MACROD2: variants seen among roughly 807,000 people sequenced by gnomAD.
MACROD2 encodes ADP-ribose glycohydrolase MACROD2.
MACROD2 carries 36 observed loss-of-function variants against 70.4 expected under a neutral mutation model. The ratio of observed to expected loss-of-function variants is 0.51; its 90% CI spans 0.39 to 0.68. The LOEUF is 0.68. Among genes scored for constraint, MACROD2 ranks in the 30% least tolerant of loss-of-function variants. The pLI is 0.00. For missense variants in MACROD2, 496 were observed against 538.4 expected, an observed-to-expected ratio of 0.92 and a Z score of 0.78; for synonymous variants, 172 against 178.8, an observed-to-expected ratio of 0.96 and a Z score of 0.30.
At chr20:15,318,258 A>T (rs1239031176) in intron 6 of MACROD2, among the ~76,000 whole-genome samples, 2 of 152,186 alleles carry the variant, frequency 1.3e-5, no homozygotes, top group African/African-American at 4.8e-5. Flanking sequence ...CTCTAGAAGC[A>T]TACAAGGTAG....
intron 5 of MACROD2, among the ~76,000 whole-genome samples, chr20:15,204,973 G>A (rs2076689265): frequency 6.6e-6 from 1 of 152,102 alleles, no homozygotes; most frequent in African/African-American, 2.4e-5. Context: ...GAGAAGGAAA[G>A]TAAACCTTTA....
chr20:15,233,363 A>G lies in MACROD2; in HGVS notation c.540+3302A>G, dbSNP rs538307424. Among the ~76,000 whole-genome samples the G allele has an allele frequency of 5.3e-5, 8 of 152,256 alleles. 1 individual carries two copies. Among genetic ancestry groups the G allele is most frequent in the Admixed American group, 3.9e-4 (6 of 15,284 alleles). On this transcript the variant is annotated intron_variant, in intron 6 of 17. Coordinates refer to ENST00000684519, the MANE Select transcript of MACROD2 (RefSeq NM_001351661.2). Reference sequence around the variant, plus strand: ...AGCCTGGGGGAGGAGAATTGGAGAAAGGTCTGAAAGGAGATGGAGAAAAAC... The same window carrying G: ...AGCCTGGGGGAGGAGAATTGGAGAAGGGTCTGAAAGGAGATGGAGAAAAAC...
Position 15,549,172 on chromosome 20 carries a change from A to G in MACROD2, c.645+49325A>G, listed in dbSNP as rs2048063679. 5.9e-5 allele frequency among the ~76,000 whole-genome samples: 9 copies of G among 152,226 alleles called. No homozygotes were observed. In the South Asian group the frequency reaches 1.9e-3, roughly 31 times the overall value. ...CAATAATAGCAGAAATAAAAACAAT[A>G]TATGACTGAGTTACTTAGCACTTCA... is the stretch of plus-strand genomic sequence containing the variant. On this transcript the variant is annotated intron_variant, in intron 8 of 17. Transcript: ENST00000684519.
At chr20:15,792,690 T>A (rs1428206486) in intron 8 of MACROD2, among the ~76,000 whole-genome samples, 2 of 152,122 alleles carry the variant, frequency 1.3e-5, no homozygotes, top group Non-Finnish European at 2.9e-5. Context: ...TCCAGAAAAA[T>A]AGCCACTGTT....
chr20:16,021,835 G>A (rs1430411452), intron 15 of MACROD2, among the ~76,000 whole-genome samples: 3 of 151,990 alleles, frequency 2.0e-5, no homozygotes, highest in South Asian at 2.1e-4. Flanking sequence ...CTTTTATACC[G>A]CTATTTCTTT....
At chr20:14,615,804 A>G (rs1983445111) in intron 4 of MACROD2, among the ~76,000 whole-genome samples, 2 of 152,144 alleles carry the variant, frequency 1.3e-5, no homozygotes, top group South Asian at 4.1e-4. Flanking sequence ...CTAAGGATCA[A>G]TGCAAGAAGA....
intron 13 of MACROD2, among the ~76,000 whole-genome samples, chr20:15,967,891 G>A (rs2066167939): frequency 6.6e-6 from 1 of 152,018 alleles, no homozygotes; most frequent in Non-Finnish European, 1.5e-5. Flanking sequence ...AATTCTATAA[G>A]CACTGGGTTT....
At chr20:16,040,527 C>T (rs2067293961) in intron 15 of MACROD2, among the ~76,000 whole-genome samples, 1 of 151,828 alleles carries the variant, frequency 6.6e-6, no homozygotes. Context: ...AATGATTGTC[C>T]TTTTGAATAC....
chr20:14,874,285 GATTCATTT>G (rs200003165), intron 5 of MACROD2, among the ~76,000 whole-genome samples: 14,024 of 134,498 alleles, frequency 0.1, 820 homozygotes, highest in Non-Finnish European at 0.14. Context: ...ATCAAATGGA[GATTCATTT>G]ATTTATTTAT....
intron 12 of MACROD2, among the ~76,000 whole-genome samples, chr20:15,951,084 G>C (rs1194126809): frequency 2.0e-5 from 3 of 152,068 alleles, no homozygotes; most frequent in Non-Finnish European, 4.4e-5. Context: ...TACAAAATAG[G>C]CAATGGTAAA....
At chr20:15,622,951 TC>T (rs1445989995) in intron 8 of MACROD2, among the ~76,000 whole-genome samples, 5 of 152,186 alleles carry the variant, frequency 3.3e-5, no homozygotes, top group Non-Finnish European at 4.4e-5. Flanking sequence ...GTTTCAGATA[TC>T]CACTGGGGAT....
At chr20:15,614,851 T>A (rs1268447059) in intron 8 of MACROD2, among the ~76,000 whole-genome samples, 2 of 152,172 alleles carry the variant, frequency 1.3e-5, no homozygotes, top group Non-Finnish European at 2.9e-5. Flanking sequence ...TATTCATGCC[T>A]CTATTCAAGA....
intron 3 of MACROD2, among the ~76,000 whole-genome samples, chr20:14,230,996 T>A (rs993219915): frequency 6.6e-6 from 1 of 151,788 alleles, no homozygotes; most frequent in African/African-American, 2.4e-5. Context: ...GGAATCTTTT[T>A]TTTTTTTCTG....
chr20:16,022,907 T>G (rs191970361), intron 15 of MACROD2, among the ~76,000 whole-genome samples: 138 of 152,346 alleles, frequency 9.1e-4, no homozygotes, highest in African/African-American at 3.3e-3. Context: ...CTTAACTGGA[T>G]CATGCTGGAC....
intron 4 of MACROD2, among the ~76,000 whole-genome samples, chr20:14,553,343 A>C (rs1469550453): frequency 2.0e-5 from 3 of 150,496 alleles, no homozygotes; most frequent in African/African-American, 4.9e-5. Context: ...GTCATCTCCT[A>C]TGATAATAGT....
chr20:15,388,727 G>T (rs2045753356), intron 6 of MACROD2, among the ~76,000 whole-genome samples: 1 of 152,164 alleles, frequency 6.6e-6, no homozygotes, highest in South Asian at 2.1e-4. Flanking sequence ...GATTCAGGTA[G>T]ACAGCTAGTC....
At chr20:14,731,704 A>C (rs1188724179) in intron 5 of MACROD2, among the ~76,000 whole-genome samples, 5 of 152,190 alleles carry the variant, frequency 3.3e-5, no homozygotes, top group Non-Finnish European at 7.4e-5. Flanking sequence ...CTCTATTTTC[A>C]TTTAAATACT....
In MACROD2 at chr20:16,051,231, C is replaced by T. The variant is rs2067454819; in HGVS notation, c.*1355C>T. Reference sequence around the variant, plus strand: ...CATCTTCCTTGTAAGGGCTTTAGAACTAAAACTTACTTATATTGTTTTTCC... The same window carrying T: ...CATCTTCCTTGTAAGGGCTTTAGAATTAAAACTTACTTATATTGTTTTTCC... On this transcript the variant is annotated 3_prime_UTR_variant, in exon 18 of 18. Transcript: ENST00000684519. 6.6e-6 allele frequency: 1 copy of T among 152,182 alleles called. No individual in the cohort carries two copies. The highest frequency in any genetic ancestry group is 2.4e-5 in the African/African-American group (1 of 41,440). The allele number at this position is 152,182 out of a possible 1,614,324, so 9.4% of individuals were successfully genotyped here.
intron 2 of MACROD2, among the ~76,000 whole-genome samples, chr20:14,055,562 A>T (rs2053622800): frequency 6.6e-6 from 1 of 151,790 alleles, no homozygotes; most frequent in Admixed American, 6.6e-5. Flanking sequence ...AATCCTTAAA[A>T]CTTGTCCATT....
Sources: allele counts gnomAD v4.1 joint callset (sites outside exome capture counted in the v4.1 genomes callset), GRCh38; gene constraint gnomAD v4.1.1; transcripts MANE v1.5; gene names NCBI Gene and HGNC (gene_info 2026-07-23, HGNC 2026-07-21).